Variants in ATR observed in about 807,000 individuals in gnomAD.
ATR encodes serine/threonine-protein kinase ATR.
ATR carries 142 observed loss-of-function variants against 305.3 expected under a neutral mutation model. The observed-to-expected ratio is 0.47, with a 90% confidence interval of 0.41 to 0.53. The LOEUF is 0.53. ATR is among the 20% of genes least tolerant of loss of function. ATR has a pLI of 0.00. For synonymous variants in ATR, 1,050 were observed against 1,068.1 expected, an observed-to-expected ratio of 0.98 and a Z score of 0.33; for missense variants, 2,135 against 3,133.1, an observed-to-expected ratio of 0.68 and a Z score of 7.60.
intron 27 of ATR, 91 bp from the exon 28 acceptor site, chr3:142,508,200 A>G (rs2032356146): frequency 1.9e-6 from 2 of 1,075,020 alleles, no homozygotes; most frequent in African/African-American, 3.2e-5. Flanking sequence ...TTATTTCACT[A>G]AACAAATTAA....
rs1577486742 is a variant in ATR at position 142,451,928 on chromosome 3, C to T, written c.7761+1200G>A. On this transcript the variant is annotated intron_variant, in intron 46 of 46. Transcript: ENST00000350721. ...ATTGGAATCCCTCAGTAAAAGGTATCCAGTACAAGCCAAGTATATCTATCA... is the reference window on the plus strand; with the variant it reads ...ATTGGAATCCCTCAGTAAAAGGTATTCAGTACAAGCCAAGTATATCTATCA... 26 of 1,244,690 alleles carry T rather than the reference C, an allele frequency of 2.1e-5. No homozygotes were observed. In the South Asian group the frequency reaches 3.0e-4, roughly 14 times the overall value. 77.1% of individuals were successfully genotyped at this position (1,244,690 alleles called of 1,614,324 possible). A position where few individuals can be genotyped will look rare whatever the true frequency, so the allele number is the denominator to read the frequency against.
rs1438432534 is a variant in ATR at position 142,469,532 on chromosome 3, C to T, written c.6357G>A (p.Leu2119=). 1 of 1,613,656 alleles carries T rather than the reference C, an allele frequency of 6.2e-7. No homozygotes were observed. The highest frequency in any genetic ancestry group is 8.5e-7 in the Non-Finnish European group (1 of 1,179,804). The change falls in exon 38 of 47, where the codon TTG becomes TTA. Residue 2119 remains leucine (L), a synonymous_variant. Coordinates refer to ENST00000350721, the MANE Select transcript of ATR (RefSeq NM_001184.4). Reference sequence around the variant, plus strand: ...CTGTGATAACCTTGTTTATTTTACCCAAATCATTCCTCATTTGTACACGAT... The same window carrying T: ...CTGTGATAACCTTGTTTATTTTACCTAAATCATTCCTCATTTGTACACGAT... ...RSDRVQMRND[L]GKINKVITEH...
chr3:142,473,451 A>G (rs1350233215), intron 36 of ATR, among the ~76,000 whole-genome samples: 2 of 152,020 alleles, frequency 1.3e-5, no homozygotes, highest in African/African-American at 4.8e-5. Context: ...CCACTGGTCT[A>G]TGTAGCCATT....
At chr3:142,454,437 CTTTTTTTTTTTT>C (rs760823609) in intron 45 of ATR, among the ~76,000 whole-genome samples, 1 of 101,470 alleles carries the variant, frequency 9.9e-6, no homozygotes, top group Non-Finnish European at 1.8e-5. Context: ...TGATAGACAG[CTTTTTTTTTTTT>C]TTTTTTTTTT....
At chr3:142,507,643 T>C (rs938147911) in intron 28 of ATR, among the ~76,000 whole-genome samples, 1 of 152,210 alleles carries the variant, frequency 6.6e-6, no homozygotes, top group Non-Finnish European at 1.5e-5. Flanking sequence ...CTTGCCTCCC[T>C]ATACTGCTCA....
At chr3:142,566,658 G>A (rs1435900772) in intron 2 of ATR, among the ~76,000 whole-genome samples, 1 of 150,190 alleles carries the variant, frequency 6.7e-6, no homozygotes, top group East Asian at 1.9e-4. Context: ...AGTGGGGTGG[G>A]GGTGGGGAAC....
chr3:142,492,878 T>C (rs1577563189), intron 35 of ATR, among the ~76,000 whole-genome samples: 1 of 152,302 alleles, frequency 6.6e-6, no homozygotes. Flanking sequence ...TAGTTAACTT[T>C]GAGACAGAGG....
At chr3:142,522,165 A>G (rs72996178) in intron 23 of ATR, among the ~76,000 whole-genome samples, 1,814 of 152,348 alleles carry the variant, frequency 0.012, 34 homozygotes, top group African/African-American at 0.042. Flanking sequence ...GCGAAGGCTC[A>G]GAAGATGGTT....
chr3:142,467,833 T>A, intron 39 of ATR, 101 bp downstream of exon 39: 1 of 1,371,404 alleles, frequency 7.3e-7, no homozygotes, highest in South Asian at 1.3e-5. Context: ...TGTACACCTA[T>A]AGTTAGAATT....
chr3:142,570,684 G>A (rs555099084), intron 1 of ATR, among the ~76,000 whole-genome samples: 14 of 152,218 alleles, frequency 9.2e-5, no homozygotes, highest in African/African-American at 3.1e-4. Flanking sequence ...CACCATGCCC[G>A]GCCCCCTCTA....
At chr3:142,529,287 T>C (rs573112677) in intron 21 of ATR, among the ~76,000 whole-genome samples, 1 of 152,222 alleles carries the variant, frequency 6.6e-6, no homozygotes, top group South Asian at 2.1e-4. Context: ...ACTCCCTCTT[T>C]TCCTTATTTG....
intron 1 of ATR, among the ~76,000 whole-genome samples, chr3:142,571,708 A>T (rs528425857): frequency 6.6e-6 from 1 of 152,314 alleles, no homozygotes; most frequent in East Asian, 1.9e-4. Flanking sequence ...GCACTGTAAA[A>T]TGTTCATACA....
At chr3:142,519,173 G>T (rs2033035280) in intron 24 of ATR, among the ~76,000 whole-genome samples, 1 of 151,916 alleles carries the variant, frequency 6.6e-6, no homozygotes, top group African/African-American at 2.4e-5. Flanking sequence ...TAAAGTTGTA[G>T]AATTTAACCC....
chr3:142,538,498 G>A lies in ATR; in HGVS notation c.3709C>T (p.Leu1237Phe), dbSNP rs756702410. 1.2e-6 allele frequency: 2 copies of A among 1,612,538 alleles called. No individual in the cohort carries two copies. Among genetic ancestry groups the A allele is most frequent in the Non-Finnish European group, 1.7e-6 (2 of 1,178,872 alleles). The change falls in exon 19 of 47, where the codon CTC becomes TTC. Residue 1237 changes from leucine (L) to phenylalanine (F), a missense_variant. Leu to Phe is a conservative substitution (Grantham distance 22, BLOSUM62 0). Around this residue, in one of 9 missense-constraint regions of ATR, gnomAD observed 530 missense variants for 766.8 expected, o/e 0.69. Coordinates refer to ENST00000350721, the MANE Select transcript of ATR (RefSeq NM_001184.4). ...TTACAATACCTGTTTTCAATTATGA[G>A]GTAGTGGAAGATAGCTGCAGTTTCT... ...PKETAAIFHY[L>F]IIENRDAVQD...
chr3:142,573,048 T>C (rs1056748715), intron 1 of ATR, among the ~76,000 whole-genome samples: 2 of 152,190 alleles, frequency 1.3e-5, no homozygotes, highest in Non-Finnish European at 2.9e-5. Context: ...GGAGAGAAAA[T>C]GCATTTTATT....
Position 142,493,214 on chromosome 3 carries a change from T to C in ATR, c.5996A>G (p.His1999Arg), listed in dbSNP as rs764703895. The C allele has an allele frequency of 2.5e-6, 4 of 1,613,752 alleles. No homozygotes were observed. In the East Asian group the frequency reaches 6.7e-5, roughly 27 times the overall value. Residue 1999 changes from histidine (H) to arginine (R), a missense_variant, in exon 35 of 47, where the codon CAT (histidine) becomes CGT (arginine). Coordinates refer to ENST00000350721, the MANE Select transcript of ATR (RefSeq NM_001184.4). ...GCCCACTAGTAGCATAGCTCGACCA[T>C]GGATTAACATGTTCTTACCCTCAGG... ...TPPEGKNMLI[H>R]GRAMLLVGRF...
intron 46 of ATR, chr3:142,450,539 C>G (rs747728829): frequency 6.2e-7 from 1 of 1,606,554 alleles, no homozygotes; most frequent in Non-Finnish European, 8.5e-7. Flanking sequence ...AAAATCAGAT[C>G]AAGGGAAGTA....
intron 36 of ATR, among the ~76,000 whole-genome samples, chr3:142,476,370 T>C (rs184012316): frequency 1.0e-3 from 156 of 152,334 alleles, no homozygotes; most frequent in African/African-American, 3.6e-3. Context: ...CCATTTCTTG[T>C]TTTTGTCAGG....
Position 142,562,988 on chromosome 3 carries a change from A to G in ATR, c.414T>C (p.Ser138=). The change falls in exon 4 of 47, where the codon AGT becomes AGC. Residue 138 remains serine, a synonymous_variant. Coordinates refer to ENST00000350721, the MANE Select transcript of ATR (RefSeq NM_001184.4). ...CSLLFLFKSK[S]PAIFGVLTKE... is the part of the protein sequence containing the mutation. Reference sequence around the variant, plus strand: ...TTGTGAGTACCCCAAAAATAGCAGGACTCTTGCTTTTAAAAAGAAATAATA... The same window carrying G: ...TTGTGAGTACCCCAAAAATAGCAGGGCTCTTGCTTTTAAAAAGAAATAATA... The G allele has an allele frequency of 6.2e-7, 1 of 1,600,710 alleles. No homozygotes were observed. The highest frequency in any genetic ancestry group is 8.5e-7 in the Non-Finnish European group (1 of 1,176,638).
Sources: allele counts gnomAD v4.1 joint callset (sites outside exome capture counted in the v4.1 genomes callset), GRCh38; gene constraint gnomAD v4.1.1; regional missense constraint gnomAD v4.1.1; transcripts MANE v1.5; gene names NCBI Gene and HGNC (gene_info 2026-07-23, HGNC 2026-07-21).